PADI4: variants seen among roughly 807,000 people sequenced by gnomAD.
PADI4 encodes peptidyl arginine deiminase 4.
In PADI4, 62 loss-of-function variants were observed where a neutral mutation model predicts 75.0. The observed-to-expected ratio is 0.83, with a 90% CI of 0.67 to 1.02. The LOEUF is 1.02. Among genes scored for constraint, PADI4 ranks in the 50% least tolerant of loss-of-function variants. The probability of loss-of-function intolerance (pLI) is 0.00; values close to 1 mark genes in which losing one functional copy is unlikely to be tolerated. For synonymous variants in PADI4, 361 were observed against 348.1 expected, an observed-to-expected ratio of 1.04 and a Z score of -0.41; for missense variants, 845 against 850.5, an observed-to-expected ratio of 0.99 and a Z score of 0.08.
chr1:17,353,139 G>A (rs1416244774), intron 10 of PADI4, among the ~76,000 whole-genome samples: 2 of 152,108 alleles, frequency 1.3e-5, no homozygotes, highest in Admixed American at 1.3e-4. Flanking sequence ...AGAGAGAAGT[G>A]GAGAGAGGAA....
chr1:17,334,202 T>C (rs1548323), intron 3 of PADI4, 193 bp downstream of exon 3: 332,933 of 589,654 alleles, frequency 0.56, 94,756 homozygotes, highest in East Asian at 0.59. Flanking sequence ...CACAAAGAAA[T>C]ACAATGTGGC....
At chr1:17,313,060 TGC>T in intron 1 of PADI4, among the ~76,000 whole-genome samples, 1 of 151,666 alleles carries the variant, frequency 6.6e-6, no homozygotes, top group Middle Eastern at 3.2e-3. Context: ...CATGGTGGCG[TGC>T]GCCTGTAGTC....
At position 17,356,427 on chromosome 1, in the gene PADI4, A is replaced by C. The variant is rs1278678503; in HGVS notation, c.1526A>C (p.His509Pro). Residue 509 changes from histidine (H) to proline (P), a missense_variant, in exon 13 of 16, where the codon CAC (histidine) becomes CCC (proline). His to Pro is a moderately conservative substitution (Grantham distance 77). Transcript: ENST00000375448. The surrounding 1 kb of genome is among the most constrained non-coding windows in gnomAD (Gnocchi z 4.1). ...KLFQEQQNEG[H>P]GEALLFEGIK... is the part of the protein sequence containing the mutation. ...TTCCAGGAGCAGCAGAATGAGGGCC[A>C]CGGGGAGGCCCTGCTGTTCGAAGGG... is the stretch of plus-strand genomic sequence containing the variant. The C allele has an allele frequency of 6.2e-7, 1 of 1,611,666 alleles. No individual in the cohort carries two copies.
chr1:17,315,737 C>T (rs777321796), intron 1 of PADI4, among the ~76,000 whole-genome samples: 4 of 151,974 alleles, frequency 2.6e-5, no homozygotes, highest in South Asian at 4.1e-4. Context: ...TTCTAAAAAT[C>T]GGTGCCTGCT....
intron 1 of PADI4, among the ~76,000 whole-genome samples, chr1:17,314,177 C>T (rs1346111684): frequency 6.6e-6 from 1 of 152,194 alleles, no homozygotes; most frequent in Non-Finnish European, 1.5e-5. Context: ...CTGTGTGCCC[C>T]TCGGCCTCCA....
intron 6 of PADI4, among the ~76,000 whole-genome samples, chr1:17,340,486 AG>A (rs1176154992): frequency 6.6e-6 from 1 of 152,136 alleles, no homozygotes; most frequent in Non-Finnish European, 1.5e-5. Flanking sequence ...ACAGCCAGAC[AG>A]ACACCTAGGG....
chr1:17,335,474 G>A lies in PADI4; in HGVS notation c.341-685G>A, dbSNP rs150255543. Among the ~76,000 whole-genome samples, 11 of 152,302 alleles carry A rather than the reference G, an allele frequency of 7.2e-5. No homozygotes were observed. The East Asian group carries it at 1.9e-3, about 27-fold the overall frequency. On this transcript the variant is annotated intron_variant, in intron 3 of 15. Transcript: ENST00000375448. ...ATGCTTCCCCGGCCCTAACTAAGAC[G>A]TGGCTATGAATATGTTTAGAAGGTC...
intron 13 of PADI4, 83 bp from the exon 14 acceptor site, chr1:17,358,755 T>C: frequency 1.2e-6 from 1 of 857,168 alleles, no homozygotes; most frequent in South Asian, 1.5e-5. Context: ...ATGGGAACAC[T>C]GAGTCCCCCC....
At position 17,331,167 on chromosome 1, in the gene PADI4, G is replaced by A. The variant is rs2074205640; in HGVS notation, c.273+18G>A. On this transcript the variant is annotated intron_variant, in intron 2 of 15. Transcript: ENST00000375448. ...ACCAGAAGGTGAGTGTCATAGCTGT[G>A]GGGTGGCAGTGTGGATGGGCTTCAG... is the stretch of plus-strand genomic sequence containing the variant. 2 of 1,602,814 alleles carry A rather than the reference G, an allele frequency of 1.2e-6. No individual in the cohort carries two copies. Among genetic ancestry groups the A allele is most frequent in the African/African-American group, 2.7e-5 (2 of 74,304 alleles).
chr1:17,310,492 A>G (rs2073802504), intron 1 of PADI4, among the ~76,000 whole-genome samples: 2 of 151,936 alleles, frequency 1.3e-5, no homozygotes, highest in South Asian at 4.1e-4. Context: ...CGCCCCTCAT[A>G]TTCATGCCTC....
chr1:17,336,073 G>A (rs777694934), intron 3 of PADI4, 86 bp from the exon 4 acceptor site: 2 of 871,534 alleles, frequency 2.3e-6, no homozygotes, highest in East Asian at 2.5e-5. Flanking sequence ...AGTCCCCTGG[G>A]GAAACGACCT....
intron 15 of PADI4, among the ~76,000 whole-genome samples, chr1:17,361,076 C>T: frequency 6.7e-6 from 1 of 150,170 alleles, no homozygotes; most frequent in Non-Finnish European, 1.5e-5. Context: ...CTGGGGGTTA[C>T]AGTTCAGGGA....
intron 8 of PADI4, among the ~76,000 whole-genome samples, chr1:17,343,356 G>T (rs573235402): frequency 6.6e-6 from 1 of 152,130 alleles, no homozygotes; most frequent in Non-Finnish European, 1.5e-5. Flanking sequence ...TCTGAGAGCC[G>T]CTGACAAGTG....
At chr1:17,328,179 A>G (rs958219557) in intron 1 of PADI4, among the ~76,000 whole-genome samples, 2 of 151,820 alleles carry the variant, frequency 1.3e-5, no homozygotes, top group South Asian at 4.1e-4. Context: ...ACAAGCCACC[A>G]TACCCAGCTA....
chr1:17,351,748 T>C (rs1037830558), intron 10 of PADI4, among the ~76,000 whole-genome samples: 30 of 148,180 alleles, frequency 2.0e-4, no homozygotes, highest in South Asian at 8.5e-4. Context: ...GGGTGAAGAG[T>C]GTTGTAGGCA....
At position 17,308,272 on chromosome 1, in the gene PADI4, C is replaced by A. The variant is rs112918821; in HGVS notation, c.50C>A (p.Ala17Asp). The A allele has an allele frequency of 1.2e-6, 2 of 1,614,148 alleles. No homozygotes were observed. Among genetic ancestry groups the A allele is most frequent in the African/African-American group, 1.3e-5 (1 of 75,058 alleles). Residue 17 changes from alanine (A) to aspartate (D), a missense_variant, in exon 1 of 16, where the codon GCC (alanine) becomes GAC (aspartate). Transcript: ENST00000375448. ...IRVTPEQPTH[A>D]VCVLGTLTQL... ...GTGACCCCAGAGCAGCCCACCCATG[C>A]CGTGTGTGTGCTGGGCACCTTGACT...
intron 1 of PADI4, among the ~76,000 whole-genome samples, chr1:17,310,047 C>T (rs187700420): frequency 8.5e-5 from 13 of 152,242 alleles, no homozygotes; most frequent in Non-Finnish European, 5.9e-5. Context: ...ATGGGGACTC[C>T]GGAGTTCACA....
At chr1:17,324,887 T>C (rs1382750943) in intron 1 of PADI4, among the ~76,000 whole-genome samples, 1 of 152,276 alleles carries the variant, frequency 6.6e-6, no homozygotes, top group Non-Finnish European at 1.5e-5. Flanking sequence ...ATTTATGATA[T>C]AGTCTCTACT....
intron 1 of PADI4, among the ~76,000 whole-genome samples, chr1:17,318,980 G>A (rs1007167924): frequency 3.9e-5 from 6 of 151,918 alleles, no homozygotes; most frequent in Admixed American, 1.3e-4. Flanking sequence ...GAGCCACTGC[G>A]CCCAGCCTTT....
Sources: allele counts gnomAD v4.1 joint callset (sites outside exome capture counted in the v4.1 genomes callset), GRCh38; gene constraint gnomAD v4.1.1; non-coding constraint Gnocchi (gnomAD v3.1); transcripts MANE v1.5; gene names NCBI Gene and HGNC (gene_info 2026-07-23, HGNC 2026-07-21).